Variants in RUSC1 observed in about 807,000 individuals in gnomAD.
RUSC1 encodes the protein RUN and SH3 domain containing 1, also known as AP-4 complex accessory subunit RUSC1.
In RUSC1, 40 loss-of-function variants were observed where a neutral mutation model predicts 72.1. The ratio of observed to expected loss-of-function variants is 0.55; its 90% CI spans 0.43 to 0.72. The LOEUF is 0.72. RUSC1 is among the 30% of genes least tolerant of loss of function. The pLI is 0.00. For synonymous variants in RUSC1, 512 were observed against 494.2 expected, an observed-to-expected ratio of 1.04 and a Z score of -0.48; for missense variants, 1,092 against 1,172.3, an observed-to-expected ratio of 0.93 and a Z score of 1.00.
At position 155,320,914 on chromosome 1, in the gene RUSC1, C is replaced by T. The variant is rs755696915; in HGVS notation, c.-164C>T. 4.2e-5 allele frequency: 66 copies of T among 1,588,372 alleles called. 1 individual carries two copies. In the African/African-American group the frequency reaches 7.2e-4, roughly 17 times the overall value. ...AGGTTGTGCTAGTGCCCCTCCCCTC[C>T]CGCTCTGTGCCCCGCCGGGCGGGGA... is the stretch of plus-strand genomic sequence containing the variant. On this transcript the variant is annotated 5_prime_UTR_variant, in exon 1 of 10. Coordinates refer to ENST00000368352, the MANE Select transcript of RUSC1 (RefSeq NM_001105203.2).
chr1:155,321,547 T>A, intron 1 of RUSC1, 141 bp from the exon 2 acceptor site: 1 of 1,357,940 alleles, frequency 7.4e-7, no homozygotes, highest in Non-Finnish European at 1.0e-6. Flanking sequence ...TAATGGTCAG[T>A]CGATTGCGAT....
chr1:155,321,150 C>T (rs751318429), intron 1 of RUSC1, 159 bp downstream of exon 1: 5 of 1,376,470 alleles, frequency 3.6e-6, no homozygotes, highest in Non-Finnish European at 4.9e-6. Flanking sequence ...TTCCGAGGGG[C>T]GAGGGCGCAG....
chr1:155,326,691 C>G lies in RUSC1; in HGVS notation c.1973C>G (p.Thr658Ser), dbSNP rs1399495990. ...LLLLQPLSVL[T>S]FHLDLLFEHH... The stretch of plus-strand genomic sequence containing the variant: ...CTGCTGCAGCCATTGTCGGTGCTCA[C>G]TTTCCACCTGGACCTGCTCTTTGAG... The change falls in exon 8 of 10, where the codon ACT becomes AGT. Residue 658 changes from threonine to serine, a missense_variant. Thr to Ser is a moderately conservative substitution (Grantham distance 58, BLOSUM62 1). Coordinates refer to ENST00000368352, the MANE Select transcript of RUSC1 (RefSeq NM_001105203.2). This position sits in a 1 kb window ranked among gnomAD's most constrained non-coding sequence, Gnocchi z 4.7. 2 of 1,613,760 alleles carry G rather than the reference C, an allele frequency of 1.2e-6. No individual in the cohort carries two copies. The highest frequency in any genetic ancestry group is 2.2e-5 in the South Asian group (2 of 91,090).
In RUSC1 at chr1:155,331,107, G is replaced by A. The variant is rs1457370253; in HGVS notation, c.*536G>A. 1 of 153,418 alleles carries A rather than the reference G, an allele frequency of 6.5e-6. No individual in the cohort carries two copies. The highest frequency in any genetic ancestry group is 1.5e-5 in the Non-Finnish European group (1 of 68,814). The allele number at this position is 153,418 out of a possible 1,614,324, so 9.5% of individuals were successfully genotyped here. On this transcript the variant is annotated 3_prime_UTR_variant, in exon 10 of 10. Transcript: ENST00000368352. ...CCTCCTTTGTCCCAATAAAGTATGGGAGTTGAATGTGTGTCTTTCACTGTG... is the reference window on the plus strand; with the variant it reads ...CCTCCTTTGTCCCAATAAAGTATGGAAGTTGAATGTGTGTCTTTCACTGTG...
rs949176112 is a variant in RUSC1, at chr1:155,325,237, G to T, written c.1533+59G>T. 2 of 1,612,568 alleles carry T rather than the reference G, an allele frequency of 1.2e-6. No individual in the cohort carries two copies. Among genetic ancestry groups the T allele is most frequent in the African/African-American group, 1.3e-5 (1 of 74,930 alleles). On this transcript the variant is annotated intron_variant, in intron 4 of 9. Transcript: ENST00000368352. The surrounding 1 kb of genome is among the most constrained non-coding windows in gnomAD (Gnocchi z 6.5). ...GGAGAGTAATGGAGCTCCGCGGGGG[G>T]TGCGGGAATGGTTGGCGGGAGGTGG...
chr1:155,327,247 T>G, intron 8 of RUSC1, 115 bp downstream of exon 8: 1 of 1,076,886 alleles, frequency 9.3e-7, no homozygotes, highest in Non-Finnish European at 1.3e-6. Context: ...GGTCTGTTTT[T>G]CTACAGCCAT....
At chr1:155,324,259 C>A in intron 2 of RUSC1, 1 of 1,490,126 alleles carries the variant, frequency 6.7e-7, no homozygotes, top group Non-Finnish European at 8.9e-7. Context: ...CACGCCCTCT[C>A]CGCGAGTCCA....
Position 155,325,813 on chromosome 1 carries a change from G to A in RUSC1, c.1815-51G>A, listed in dbSNP as rs760451569. 5 of 1,606,540 alleles carry A rather than the reference G, an allele frequency of 3.1e-6. No homozygotes were observed. Among genetic ancestry groups the A allele is most frequent in the Non-Finnish European group, 3.4e-6 (4 of 1,173,330 alleles). On this transcript the variant is annotated intron_variant, in intron 6 of 9. Transcript: ENST00000368352. This position sits in a 1 kb window ranked among gnomAD's most constrained non-coding sequence, Gnocchi z 6.5. Reference sequence around the variant, plus strand: ...CATCTCCCATCCTCCACCCAGAGAGGACTGGAGTCCTCCACCTCCCTGAAC... The same window carrying A: ...CATCTCCCATCCTCCACCCAGAGAGAACTGGAGTCCTCCACCTCCCTGAAC...
intron 2 of RUSC1, 65 bp downstream of exon 2, chr1:155,323,195 A>T: frequency 7.3e-7 from 1 of 1,365,336 alleles, no homozygotes; most frequent in Non-Finnish European, 9.4e-7. Context: ...TAGGCTTCCA[A>T]CCCGGCCCCC....
intron 2 of RUSC1, 53 bp downstream of exon 2, chr1:155,323,183 C>T (rs1469846912): frequency 7.2e-7 from 1 of 1,388,122 alleles, no homozygotes; most frequent in African/African-American, 1.5e-5. Context: ...GCTCACGCCT[C>T]CTAGGCTTCC....
chr1:155,324,554 G>A, intron 2 of RUSC1: 1 of 1,584,024 alleles, frequency 6.3e-7, no homozygotes, highest in South Asian at 1.1e-5. Flanking sequence ...GGTGAGCGCG[G>A]CCATCCCGCT....
At chr1:155,328,861 G>A (rs1277243530) in intron 9 of RUSC1, among the ~76,000 whole-genome samples, 1 of 152,136 alleles carries the variant, frequency 6.6e-6, no homozygotes, top group Non-Finnish European at 1.5e-5. Flanking sequence ...GCCTCCCAAA[G>A]TGCTGGAATT....
chr1:155,329,578 G>A (rs1311386847), intron 9 of RUSC1, among the ~76,000 whole-genome samples: 2 of 151,468 alleles, frequency 1.3e-5, no homozygotes, highest in Admixed American at 6.6e-5. Flanking sequence ...ATTTTTAATA[G>A]AGATGGGGTT....
intron 2 of RUSC1, 130 bp from the exon 3 acceptor site, chr1:155,324,715 G>C: frequency 6.4e-7 from 1 of 1,566,370 alleles, no homozygotes; most frequent in Non-Finnish European, 8.6e-7. Flanking sequence ...AGGCGGTCCT[G>C]CGCCTCCTCT....
intron 9 of RUSC1, among the ~76,000 whole-genome samples, chr1:155,328,841 G>A (rs1651707382): frequency 1.3e-5 from 2 of 152,108 alleles, no homozygotes; most frequent in South Asian, 2.1e-4. Flanking sequence ...CTCGTGATCC[G>A]CCCGCCTTGG....
At chr1:155,324,318 G>A in intron 2 of RUSC1, 1 of 1,580,062 alleles carries the variant, frequency 6.3e-7, no homozygotes. Flanking sequence ...GCTGCTGCGG[G>A]ACCCGGGTTT....
chr1:155,322,739 G>A lies in RUSC1; in HGVS notation c.966G>A (p.Lys322=). The A allele has an allele frequency of 6.2e-7, 1 of 1,614,192 alleles. No homozygotes were observed. The highest frequency in any genetic ancestry group is 2.2e-5 in the East Asian group (1 of 44,880). Residue 322 remains lysine (K), a synonymous_variant, in exon 2 of 10, where the codon AAG becomes AAA. Coordinates refer to ENST00000368352, the MANE Select transcript of RUSC1 (RefSeq NM_001105203.2). Reference sequence around the variant, plus strand: ...CGTCCTTCCACGAGCTGGCCCAGAAGCGCAAGCGGGGCCCAGGGCTGCCCC... The same window carrying A: ...CGTCCTTCCACGAGCTGGCCCAGAAACGCAAGCGGGGCCCAGGGCTGCCCC... ...TITSFHELAQ[K]RKRGPGLPLV...
rs749698292 is a variant in RUSC1 at position 155,325,876 on chromosome 1, G to T, written c.1827G>T (p.Leu609Phe). ...TTTTCTCCCCTAGCACCAAGCAGTT[G>T]GAGCTGTGGTTTTCCAGTCTCCAGG... ...FILGLLNTKQLELWFSSLQED... is the reference protein window; with the variant it reads ...FILGLLNTKQFELWFSSLQED... Residue 609 changes from leucine to phenylalanine, a missense_variant, in exon 7 of 10, where the codon TTG becomes TTT. Transcript: ENST00000368352. This position sits in a 1 kb window ranked among gnomAD's most constrained non-coding sequence, Gnocchi z 6.5. 2 of 1,614,118 alleles carry T rather than the reference G, an allele frequency of 1.2e-6. No homozygotes were observed. Among genetic ancestry groups the T allele is most frequent in the African/African-American group, 1.3e-5 (1 of 75,014 alleles).
rs779928951 is a variant in RUSC1, at chr1:155,325,233, G to A, written c.1533+55G>A. ...ATGAGGAGAGTAATGGAGCTCCGCG[G>A]GGGGTGCGGGAATGGTTGGCGGGAG... On this transcript the variant is annotated intron_variant, in intron 4 of 9. Transcript: ENST00000368352. This position sits in a 1 kb window ranked among gnomAD's most constrained non-coding sequence, Gnocchi z 6.5. 6 of 1,612,888 alleles carry A rather than the reference G, an allele frequency of 3.7e-6. No homozygotes were observed. In the African/African-American group the frequency reaches 4.0e-5, roughly 11 times the overall value.
Sources: allele counts gnomAD v4.1 joint callset (sites outside exome capture counted in the v4.1 genomes callset), GRCh38; gene constraint gnomAD v4.1.1; non-coding constraint Gnocchi (gnomAD v3.1); transcripts MANE v1.5; gene names NCBI Gene and HGNC (gene_info 2026-07-23, HGNC 2026-07-21).